The following SLC7A13 variants were observed in gnomAD, a reference collection of about 807,000 sequenced individuals.
SLC7A13 encodes solute carrier family 7 member 13.
SLC7A13 carries 31 observed loss-of-function variants against 32.0 expected under a neutral mutation model. The observed-to-expected ratio is 0.97, with a 90% confidence interval of 0.73 to 1.31. The LOEUF is 1.31. Ranked by LOEUF, SLC7A13 falls within the 50% of genes most tolerant of loss-of-function variation. The pLI is 0.00. For missense variants in SLC7A13, 633 were observed against 546.9 expected (o/e 1.16, Z -1.57); for synonymous variants, 232 against 206.9 (o/e 1.12, Z -1.04).
intron 3 of SLC7A13, among the ~76,000 whole-genome samples, chr8:86,215,407 GC>G (rs564917189): frequency 1.1e-3 from 161 of 152,244 alleles, no homozygotes; most frequent in African/African-American, 3.7e-3. Context: ...TATCTTCTTG[GC>G]CGGGCACAGT....
chr8:86,226,832 A>AT (rs1277357512), intron 1 of SLC7A13, among the ~76,000 whole-genome samples: 1 of 151,972 alleles, frequency 6.6e-6, no homozygotes, highest in African/African-American at 2.4e-5. Flanking sequence ...CTTCACTCAT[A>AT]TTTTTCTGGA....
In SLC7A13 at chr8:86,230,050, G is replaced by T; in HGVS notation, c.228C>A (p.Cys76Ter). 1 of 1,614,158 alleles carries T rather than the reference G, an allele frequency of 6.2e-7. No homozygotes were observed. The highest frequency in any genetic ancestry group is 1.1e-5 in the South Asian group (1 of 91,086). The change falls in exon 1 of 4, where the codon TGC becomes TGA. Residue 76 changes from cysteine (C) to a stop codon, truncating the protein, a stop_gained. Coordinates refer to ENST00000297524, the MANE Select transcript of SLC7A13 (RefSeq NM_138817.3). LOFTEE classifies it high-confidence loss of function. ...TGAGAAAATAGTATTGAGCTCCACTGCATGGGAAGCTTATACTTATCTCTG... is the reference window on the plus strand; with the variant it reads ...TGAGAAAATAGTATTGAGCTCCACTTCATGGGAAGCTTATACTTATCTCTG... The part of the protein sequence containing the change: ...CSAEISISFP[C>*]SGAQYYFLKR...
rs771744207 is a variant in SLC7A13 at position 86,229,943 on chromosome 8, G to C, written c.335C>G (p.Ala112Gly). 1.9e-6 allele frequency: 3 copies of C among 1,614,176 alleles called. No individual in the cohort carries two copies. The South Asian group carries it at 3.3e-5, about 18-fold the overall frequency. Residue 112 changes from alanine to glycine, a missense_variant, in exon 1 of 4, where the codon GCT (alanine) becomes GGT (glycine). By Grantham distance (60) the Ala-to-Gly change is moderately conservative (BLOSUM62 0). Transcript: ENST00000297524. ...FLGSGVVAGQ[A>G]LLLAEYSIQP... The stretch of plus-strand genomic sequence containing the variant: ...GATGCTGTACTCAGCAAGGAGCAGA[G>C]CTTGGCCAGCAACTACCCCTGACCC...
intron 2 of SLC7A13, among the ~76,000 whole-genome samples, chr8:86,220,011 CTT>C (rs1820266596): frequency 6.6e-6 from 1 of 151,844 alleles, no homozygotes; most frequent in African/African-American, 2.4e-5. Flanking sequence ...AAAATTCTCA[CTT>C]TCTCTTCAAA....
intron 1 of SLC7A13, among the ~76,000 whole-genome samples, chr8:86,225,245 G>A (rs927049883): frequency 1.6e-4 from 24 of 152,048 alleles, no homozygotes; most frequent in Admixed American, 3.9e-4. Context: ...TAATGCCCAT[G>A]GGGAACACTA....
intron 2 of SLC7A13, among the ~76,000 whole-genome samples, chr8:86,220,238 C>T (rs750512372): frequency 6.6e-6 from 1 of 152,026 alleles, no homozygotes; most frequent in Non-Finnish European, 1.5e-5. Context: ...ATGGAACTCT[C>T]AAGAAAATCA....
chr8:86,223,435 T>C (rs1029054826), intron 1 of SLC7A13, among the ~76,000 whole-genome samples: 3 of 152,172 alleles, frequency 2.0e-5, no homozygotes, highest in Non-Finnish European at 4.4e-5. Context: ...TTTCTATTTT[T>C]GAGTTATTTC....
chr8:86,218,656 T>C (rs1029900770), intron 2 of SLC7A13, among the ~76,000 whole-genome samples: 1 of 140,892 alleles, frequency 7.1e-6, no homozygotes, highest in Non-Finnish European at 1.5e-5. Flanking sequence ...ATATTCTACT[T>C]TTTTTTTTTT....
At chr8:86,217,413 C>A in intron 3 of SLC7A13, 57 bp downstream of exon 3, 1 of 1,384,360 alleles carries the variant, frequency 7.2e-7, no homozygotes, top group Non-Finnish European at 9.7e-7. Context: ...ATCTTAAATA[C>A]AGTTATACTC....
rs750323137 is a variant in SLC7A13 at position 86,217,664 on chromosome 8, T to C, written c.985A>G (p.Thr329Ala). 4.3e-6 allele frequency: 7 copies of C among 1,613,416 alleles called. No individual in the cohort carries two copies. The highest frequency in any genetic ancestry group is 3.3e-5 in the South Asian group (3 of 91,050). Residue 329 changes from threonine to alanine, a missense_variant, in exon 3 of 4, where the codon ACA becomes GCA. Thr to Ala is a moderately conservative substitution (Grantham distance 58, BLOSUM62 0). Coordinates refer to ENST00000297524, the MANE Select transcript of SLC7A13 (RefSeq NM_138817.3). ...QEGQLPLLFN[T>A]LNSHSSPFTA... is the part of the protein sequence containing the mutation. The stretch of plus-strand genomic sequence containing the variant: ...AATGGAGAAGAGTGACTATTAAGTG[T>C]ATTAAATAGCAAAGGCAGCTGGCCC...
chr8:86,228,097 GCTCAAGAGCACAGTA>G (rs1338442324), intron 1 of SLC7A13, among the ~76,000 whole-genome samples: 1 of 152,102 alleles, frequency 6.6e-6, no homozygotes, highest in African/African-American at 2.4e-5. Flanking sequence ...AAATAACAAT[GCTCAAGAGCACAGTA>G]AAAGTGCAAG....
At chr8:86,228,227 C>A (rs2129810172) in intron 1 of SLC7A13, among the ~76,000 whole-genome samples, 1 of 152,270 alleles carries the variant, frequency 6.6e-6, no homozygotes, top group Middle Eastern at 3.4e-3. Context: ...GCTGTCATTG[C>A]AGACAAGGGG....
intron 2 of SLC7A13, among the ~76,000 whole-genome samples, chr8:86,221,082 G>T (rs543988587): frequency 3.0e-4 from 45 of 151,420 alleles, no homozygotes; most frequent in African/African-American, 1.1e-3. Context: ...GGAATATTCA[G>T]TGCAAACAAT....
chr8:86,227,873 G>T (rs1379659091), intron 1 of SLC7A13, among the ~76,000 whole-genome samples: 1 of 152,104 alleles, frequency 6.6e-6, no homozygotes, highest in Non-Finnish European at 1.5e-5. Flanking sequence ...ACTTATATAT[G>T]GGAGCTAAAC....
At chr8:86,216,918 G>A (rs1025237527) in intron 3 of SLC7A13, among the ~76,000 whole-genome samples, 7 of 152,136 alleles carry the variant, frequency 4.6e-5, no homozygotes, top group African/African-American at 1.7e-4. Flanking sequence ...CTCCAATAAC[G>A]TTCTTATGCT....
intron 1 of SLC7A13, 149 bp downstream of exon 1, chr8:86,229,444 G>A (rs1052779009): frequency 6.8e-6 from 5 of 738,438 alleles, no homozygotes; most frequent in Non-Finnish European, 1.1e-5. Flanking sequence ...TAGGTAACAA[G>A]TGCCAGGCTG....
Position 86,229,592 on chromosome 8 carries a change from C to G in SLC7A13, c.685+1G>C, listed in dbSNP as rs1270064588. On this transcript the variant is annotated splice_donor_variant, in intron 1 of 3. Transcript: ENST00000297524. LOFTEE classifies it high-confidence loss of function. ...GATTTTTTTCCTCAATGGATTGTTACCTGCTATAAGTGTAAAGCATGCCCC... is the reference window on the plus strand; with the variant it reads ...GATTTTTTTCCTCAATGGATTGTTAGCTGCTATAAGTGTAAAGCATGCCCC... 1 of 1,606,006 alleles carries G rather than the reference C, an allele frequency of 6.2e-7. No homozygotes were observed. Among genetic ancestry groups the G allele is most frequent in the South Asian group, 1.1e-5 (1 of 90,002 alleles).
chr8:86,216,347 T>G (rs917570089), intron 3 of SLC7A13, among the ~76,000 whole-genome samples: 6 of 152,186 alleles, frequency 3.9e-5, no homozygotes, highest in Non-Finnish European at 7.3e-5. Flanking sequence ...TCTCTGAGCA[T>G]CCTCTGCAGA....
In SLC7A13 at chr8:86,230,340, G is replaced by A; in HGVS notation, c.-63C>T. 7.2e-7 allele frequency: 1 copy of A among 1,386,092 alleles called. No homozygotes were observed. The highest frequency in any genetic ancestry group is 1.6e-5 in the South Asian group (1 of 64,016). 85.9% of individuals were successfully genotyped at this position (1,386,092 alleles called of 1,614,324 possible). The stretch of plus-strand genomic sequence containing the variant: ...ATTTCTAGATTTTCCTGCCTATGTA[G>A]CTGCAAAGGATGTTGATGGATTCCT... On this transcript the variant is annotated 5_prime_UTR_variant, in exon 1 of 4. Coordinates refer to ENST00000297524, the MANE Select transcript of SLC7A13 (RefSeq NM_138817.3).
Sources: allele counts gnomAD v4.1 joint callset (sites outside exome capture counted in the v4.1 genomes callset), GRCh38; gene constraint gnomAD v4.1.1; transcripts MANE v1.5; gene names NCBI Gene and HGNC (gene_info 2026-07-23, HGNC 2026-07-21).